The following MATN2 variants were observed in gnomAD, a reference collection of about 807,000 sequenced individuals.
The protein encoded by MATN2 is matrilin-2.
In MATN2, 69 loss-of-function variants were observed where a neutral mutation model predicts 103.2. The observed-to-expected ratio is 0.67, with a 90% CI of 0.55 to 0.82. The LOEUF is 0.82. Ranked by LOEUF, MATN2 falls within the 40% of genes least tolerant of loss-of-function variation. The pLI is 0.00. For synonymous variants in MATN2, 429 were observed against 450.2 expected (o/e 0.95, Z 0.60); for missense variants, 1,023 against 1,211.5 (o/e 0.84, Z 2.31).
chr8:97,915,105 G>C (rs775270190), intron 2 of MATN2, among the ~76,000 whole-genome samples: 17 of 152,124 alleles, frequency 1.1e-4, no homozygotes, highest in Non-Finnish European at 2.1e-4. Context: ...TCCCGCCTCA[G>C]CCTCCCAAGT....
At chr8:97,876,714 C>A (rs1312463979) in intron 1 of MATN2, among the ~76,000 whole-genome samples, 1 of 152,096 alleles carries the variant, frequency 6.6e-6, no homozygotes, top group Non-Finnish European at 1.5e-5. Context: ...CCATGTGTAA[C>A]CAGCATTTTG....
intron 4 of MATN2, among the ~76,000 whole-genome samples, chr8:97,959,415 C>G (rs147086734): frequency 6.6e-6 from 1 of 151,682 alleles, no homozygotes; most frequent in Non-Finnish European, 1.5e-5. Flanking sequence ...TATATCTGGC[C>G]TAGCTCATTT....
At chr8:97,952,916 ATTT>A (rs71570276) in intron 4 of MATN2, among the ~76,000 whole-genome samples, 5 of 96,102 alleles carry the variant, frequency 5.2e-5, no homozygotes, top group East Asian at 3.2e-4. Flanking sequence ...GTTTGTAGGG[ATTT>A]TTTTTTTTTT....
intron 6 of MATN2, among the ~76,000 whole-genome samples, chr8:97,985,736 GT>G (rs937368497): frequency 3.9e-5 from 6 of 152,282 alleles, no homozygotes; most frequent in Middle Eastern, 3.4e-3. Context: ...CTGTTTTTGT[GT>G]TTGTTTTGCT....
intron 1 of MATN2, among the ~76,000 whole-genome samples, chr8:97,878,187 A>G (rs1461191820): frequency 2.6e-5 from 4 of 152,224 alleles, no homozygotes; most frequent in African/African-American, 4.8e-5. Context: ...CTGATACATT[A>G]TTATAAGTAG....
At chr8:97,996,499 C>A (rs2513852) in intron 7 of MATN2, among the ~76,000 whole-genome samples, 113,731 of 152,060 alleles carry the variant, frequency 0.75, 43,387 homozygotes, top group African/African-American at 0.86. Context: ...TGGGTATAGC[C>A]CCTCTTTAGC....
intron 10 of MATN2, among the ~76,000 whole-genome samples, chr8:98,009,380 T>C (rs922780767): frequency 3.3e-5 from 5 of 152,212 alleles, no homozygotes; most frequent in Non-Finnish European, 7.3e-5. Context: ...CCAGACGACA[T>C]GACTGCACCT....
chr8:97,989,044 A>G (rs1188388687), intron 6 of MATN2, among the ~76,000 whole-genome samples: 1 of 152,216 alleles, frequency 6.6e-6, no homozygotes, highest in Non-Finnish European at 1.5e-5. Flanking sequence ...AACATTCAAA[A>G]CTCAATCAAT....
intron 2 of MATN2, among the ~76,000 whole-genome samples, chr8:97,900,286 G>A (rs1818936736): frequency 6.6e-6 from 1 of 152,218 alleles, no homozygotes; most frequent in South Asian, 2.1e-4. Context: ...AAAGAGGAAG[G>A]CTGGTTGGCC....
chr8:97,930,258 A>T (rs1810133532), intron 2 of MATN2, among the ~76,000 whole-genome samples: 2 of 152,232 alleles, frequency 1.3e-5, no homozygotes, highest in Non-Finnish European at 2.9e-5. Context: ...CCCCAGGTAG[A>T]TTAGAAGCTC....
Position 97,931,429 on chromosome 8 carries a change from A to G in MATN2, c.619A>G (p.Ile207Val), listed in dbSNP as rs1810190120. ...GGTAGACTTCAACACCTTGAAGTCC[A>G]TTGGGAGTGAGCCCCATGAGGACCA... ...GQVDFNTLKS[I>V]GSEPHEDHVF... is the part of the protein sequence containing the mutation. The change falls in exon 3 of 19, where the codon ATT becomes GTT. Residue 207 changes from isoleucine to valine, a missense_variant. Coordinates refer to ENST00000254898, the MANE Select transcript of MATN2 (RefSeq NM_002380.5). This position sits in a 1 kb window ranked among gnomAD's most constrained non-coding sequence, Gnocchi z 4.1. 3.7e-6 allele frequency: 6 copies of G among 1,613,784 alleles called. No individual in the cohort carries two copies. The South Asian group carries it at 6.6e-5, about 18-fold the overall frequency.
rs1431985555 is a variant in MATN2, at chr8:97,994,984, A to T, written c.1204+382A>T. On this transcript the variant is annotated intron_variant, in intron 7 of 18. Coordinates refer to ENST00000254898, the MANE Select transcript of MATN2 (RefSeq NM_002380.5). ...TCCTACAAGATAAGACACTTGACGG[A>T]TGCTAAGAGGGAGGACATTGCAGCT... is the stretch of plus-strand genomic sequence containing the variant. 2.0e-5 allele frequency among the ~76,000 whole-genome samples: 3 copies of T among 152,236 alleles called. No homozygotes were observed. The East Asian group carries it at 5.8e-4, about 29-fold the overall frequency.
chr8:97,912,371 C>A (rs1809477174), intron 2 of MATN2, among the ~76,000 whole-genome samples: 1 of 152,214 alleles, frequency 6.6e-6, no homozygotes, highest in Admixed American at 6.5e-5. Context: ...GCAACCCTAA[C>A]ATAGGGCGTT....
chr8:97,889,199 G>A (rs1413442836), intron 2 of MATN2, among the ~76,000 whole-genome samples: 1 of 151,910 alleles, frequency 6.6e-6, no homozygotes, highest in Non-Finnish European at 1.5e-5. Context: ...GGTAGCCTCA[G>A]TGGCATCCGA....
Position 97,928,513 on chromosome 8 carries a change from A to T in MATN2, c.143-2440A>T, listed in dbSNP as rs112726781. On this transcript the variant is annotated intron_variant, in intron 2 of 18. Coordinates refer to ENST00000254898, the MANE Select transcript of MATN2 (RefSeq NM_002380.5). ...AGTGCTGGGATTACAGGCGTGAGCC[A>T]CTGCACCTGGCTGAAAAGCACCCCC... Among the ~76,000 whole-genome samples the T allele has an allele frequency of 8.5e-3, 1,295 of 152,276 alleles. 8 individuals are homozygous for T. Among genetic ancestry groups the T allele is most frequent in the Non-Finnish European group, 0.012 (839 of 68,010 alleles).
chr8:97,966,871 G>A (rs1320267358), intron 5 of MATN2, among the ~76,000 whole-genome samples: 4 of 152,168 alleles, frequency 2.6e-5, no homozygotes, highest in Non-Finnish European at 4.4e-5. Flanking sequence ...GGCCATTTGC[G>A]TTGCTATAAA....
intron 1 of MATN2, among the ~76,000 whole-genome samples, chr8:97,884,924 TA>T (rs1239852066): frequency 2.6e-5 from 4 of 152,248 alleles, no homozygotes; most frequent in African/African-American, 9.6e-5. Context: ...ATCTCCGTTT[TA>T]AAGATGAGGA....
At chr8:97,943,415 TTCTCC>T (rs1810639282) in intron 4 of MATN2, among the ~76,000 whole-genome samples, 2 of 151,056 alleles carry the variant, frequency 1.3e-5, no homozygotes, top group Non-Finnish European at 3.0e-5. Context: ...CTCCTTCTCC[TTCTCC>T]TTCTCCTTCT....
Position 97,931,791 on chromosome 8 carries a change from C to T in MATN2, c.712+269C>T, listed in dbSNP as rs1810207198. On this transcript the variant is annotated intron_variant, in intron 3 of 18. Transcript: ENST00000254898. The surrounding 1 kb of genome is among the most constrained non-coding windows in gnomAD (Gnocchi z 4.1). ...GATCACAGCTCACTGTAACCTCAAA[C>T]TCCTGGGCTTAGGTGATCCTCTTGC... Among the ~76,000 whole-genome samples, 1 of 152,224 alleles carries T rather than the reference C, an allele frequency of 6.6e-6. No individual in the cohort carries two copies. Among genetic ancestry groups the T allele is most frequent in the African/African-American group, 2.4e-5 (1 of 41,456 alleles).
Sources: gnomAD v4.1 joint callset for allele counts (sites outside exome capture counted in the v4.1 genomes callset) on GRCh38, gnomAD v4.1.1 for gene constraint, Gnocchi (gnomAD v3.1) non-coding constraint, MANE v1.5 for transcripts, NCBI Gene and HGNC (gene_info 2026-07-23, HGNC 2026-07-21) for gene names.